AMPH: variants seen among roughly 807,000 people sequenced by gnomAD.
AMPH encodes amphiphysin (Stiff-Mann syndrome with breast cancer 128kD autoantigen).
A neutral mutation model predicts 99.1 loss-of-function variants in AMPH; 49 were observed. That is an observed-to-expected ratio of 0.49 (90% CI 0.39 to 0.63). AMPH has a LOEUF of 0.63. AMPH is among the 20% of genes least tolerant of loss of function. AMPH has a pLI of 0.00. For missense variants in AMPH, 759 were observed against 863.4 expected (o/e 0.88, Z 1.52); for synonymous variants, 314 against 317.3 (o/e 0.99, Z 0.11).
At chr7:38,421,124 T>C (rs112658559) in intron 16 of AMPH, 37 of 452,812 alleles carry the variant, frequency 8.2e-5, no homozygotes, top group African/African-American at 6.2e-4. Context: ...AGAGAATACA[T>C]ACAAACAGAA....
chr7:38,624,121 T>C (rs1358060333), intron 1 of AMPH, among the ~76,000 whole-genome samples: 1 of 152,160 alleles, frequency 6.6e-6, no homozygotes, highest in East Asian at 1.9e-4. Context: ...TAAGACAATG[T>C]GTTTGCAGGA....
intron 2 of AMPH, among the ~76,000 whole-genome samples, chr7:38,526,628 C>A (rs1790200990): frequency 6.6e-6 from 1 of 151,892 alleles, no homozygotes; most frequent in Admixed American, 6.6e-5. Context: ...CTTATTTTTA[C>A]TACGGAGTTT....
At chr7:38,480,060 A>T (rs1282530893) in intron 5 of AMPH, among the ~76,000 whole-genome samples, 2 of 148,778 alleles carry the variant, frequency 1.3e-5, no homozygotes, top group Non-Finnish European at 2.9e-5. Context: ...AGGAAAAAGA[A>T]AAAAAAAACA....
At chr7:38,555,444 GT>G (rs1791330219) in intron 1 of AMPH, among the ~76,000 whole-genome samples, 1 of 151,938 alleles carries the variant, frequency 6.6e-6, no homozygotes, top group Non-Finnish European at 1.5e-5. Context: ...TAATAAAGCA[GT>G]TCTGAGCTGA....
intron 1 of AMPH, among the ~76,000 whole-genome samples, chr7:38,586,122 C>A (rs992473181): frequency 6.6e-6 from 1 of 152,152 alleles, no homozygotes; most frequent in African/African-American, 2.4e-5. Flanking sequence ...TATGCCTGGA[C>A]TTCCAAATAT....
chr7:38,501,347 C>A (rs569544160), intron 3 of AMPH, among the ~76,000 whole-genome samples: 1 of 152,090 alleles, frequency 6.6e-6, no homozygotes, highest in African/African-American at 2.4e-5. Flanking sequence ...TGCGCCACCA[C>A]ACCTGACTAA....
chr7:38,631,324 C>T lies in AMPH; in HGVS notation c.28G>A (p.Ala10Thr), dbSNP rs749611316. The change falls in exon 1 of 21, where the codon GCC (alanine) becomes ACC (threonine). Residue 10 changes from alanine (A) to threonine (T), a missense_variant. This residue lies in a region of AMPH where 205 missense variants were observed against 287.9 expected (regional missense o/e 0.71). Coordinates refer to ENST00000356264, the MANE Select transcript of AMPH (RefSeq NM_001635.4). MADIKTGIFAKNVQKRLNRA... is the reference protein window; with the variant it reads MADIKTGIFTKNVQKRLNRA... ...TTGAGTCGCTTCTGGACGTTCTTGGCGAAGATGCCCGTCTTGATGTCGGCC... is the reference window on the plus strand; with the variant it reads ...TTGAGTCGCTTCTGGACGTTCTTGGTGAAGATGCCCGTCTTGATGTCGGCC... 7 of 1,552,152 alleles carry T rather than the reference C, an allele frequency of 4.5e-6. No homozygotes were observed. In the South Asian group the frequency reaches 8.4e-5, roughly 19 times the overall value.
chr7:38,571,256 TAA>T (rs1332496573), intron 1 of AMPH, among the ~76,000 whole-genome samples: 46 of 57,546 alleles, frequency 8.0e-4, no homozygotes, highest in Admixed American at 5.2e-3. Flanking sequence ...AAATATATAT[TAA>T]ATATATATTT....
At chr7:38,592,636 C>G (rs1247249918) in intron 1 of AMPH, among the ~76,000 whole-genome samples, 1 of 150,930 alleles carries the variant, frequency 6.6e-6, no homozygotes, top group Admixed American at 6.6e-5. Flanking sequence ...GAGGCTGAGA[C>G]AGGAGAATTT....
intron 1 of AMPH, among the ~76,000 whole-genome samples, chr7:38,569,458 A>G (rs1307089279): frequency 6.6e-6 from 1 of 152,078 alleles, no homozygotes; most frequent in Non-Finnish European, 1.5e-5. Context: ...ACAAACACCA[A>G]CTCACATATG....
At chr7:38,628,227 T>C (rs1794325763) in intron 1 of AMPH, among the ~76,000 whole-genome samples, 1 of 152,250 alleles carries the variant, frequency 6.6e-6, no homozygotes. Flanking sequence ...AAATTAATCA[T>C]GAACAAATTT....
chr7:38,418,263 T>G (rs939111772), intron 16 of AMPH, among the ~76,000 whole-genome samples: 1 of 152,022 alleles, frequency 6.6e-6, no homozygotes, highest in African/African-American at 2.4e-5. Flanking sequence ...TTACCTATGA[T>G]AGCTATAAGA....
At chr7:38,442,557 T>C (rs752609037) in intron 11 of AMPH, among the ~76,000 whole-genome samples, 3 of 152,114 alleles carry the variant, frequency 2.0e-5, no homozygotes, top group Non-Finnish European at 4.4e-5. Flanking sequence ...ATTTTAATCA[T>C]CCAAAATGAT....
intron 13 of AMPH, among the ~76,000 whole-genome samples, chr7:38,430,991 A>G (rs1417959211): frequency 2.0e-5 from 3 of 152,246 alleles, no homozygotes; most frequent in Non-Finnish European, 4.4e-5. Flanking sequence ...CCTCACAATA[A>G]AAGAAGAAAA....
intron 7 of AMPH, among the ~76,000 whole-genome samples, chr7:38,472,675 AAGGAAGGCCTAAGTC>A (rs1363086439): frequency 3.3e-5 from 5 of 152,288 alleles, no homozygotes; most frequent in African/African-American, 1.2e-4. Context: ...GCTACATAGA[AAGGAAGGCCTAAGTC>A]AGGTTTTGAT....
At chr7:38,488,284 T>A (rs1397638259) in intron 5 of AMPH, among the ~76,000 whole-genome samples, 2 of 152,060 alleles carry the variant, frequency 1.3e-5, no homozygotes, top group Non-Finnish European at 2.9e-5. Flanking sequence ...CAAATGCCCA[T>A]CAATGATAGA....
At chr7:38,405,860 A>G (rs7792006) in intron 17 of AMPH, among the ~76,000 whole-genome samples, 147,093 of 152,304 alleles carry the variant, frequency 0.97, 71,092 homozygotes, top group East Asian at 1. Context: ...ATGTACTTCT[A>G]ACCAAATGGA....
At chr7:38,547,594 A>C (rs1451210732) in intron 1 of AMPH, among the ~76,000 whole-genome samples, 1 of 152,258 alleles carries the variant, frequency 6.6e-6, no homozygotes, top group Non-Finnish European at 1.5e-5. Flanking sequence ...GACAAGTCTC[A>C]GTCAACTTAG....
At chr7:38,424,122 A>T (rs1214074687) in intron 15 of AMPH, among the ~76,000 whole-genome samples, 2 of 152,360 alleles carry the variant, frequency 1.3e-5, no homozygotes, top group Admixed American at 6.5e-5. Context: ...CCCAAAGGAA[A>T]AAAAATGCCT....
Sources: allele counts gnomAD v4.1 joint callset (sites outside exome capture counted in the v4.1 genomes callset), GRCh38; gene constraint gnomAD v4.1.1; regional missense constraint gnomAD v4.1.1; transcripts MANE v1.5; gene names NCBI Gene and HGNC (gene_info 2026-07-23, HGNC 2026-07-21).